The following SLC26A11 variants were observed in gnomAD, a reference collection of about 807,000 sequenced individuals.
SLC26A11 encodes sodium-independent sulfate anion transporter.
In SLC26A11, 58 loss-of-function variants were observed where a neutral mutation model predicts 62.2. That is an observed-to-expected ratio of 0.93 (90% CI 0.76 to 1.16). The LOEUF is 1.16. Ranked by LOEUF, SLC26A11 falls within the 50% of genes most tolerant of loss-of-function variation. The probability of loss-of-function intolerance (pLI) is 0.00; values close to 1 mark genes in which losing one functional copy is unlikely to be tolerated. For missense variants in SLC26A11, 790 were observed against 794.3 expected (o/e 0.99, Z 0.06); for synonymous variants, 411 against 368.9 (o/e 1.11, Z -1.31).
chr17:80,224,009 C>T (rs1191971445), intron 5 of SLC26A11, among the ~76,000 whole-genome samples: 1 of 152,102 alleles, frequency 6.6e-6, no homozygotes, highest in Admixed American at 6.6e-5. Context: ...GAGCCCAATT[C>T]CACAGATGGG....
intron 7 of SLC26A11, 48 bp from the exon 8 acceptor site, chr17:80,236,880 A>G: frequency 6.4e-7 from 1 of 1,572,904 alleles, no homozygotes; most frequent in Non-Finnish European, 8.7e-7. Context: ...GCGCTACCCC[A>G]CACTCGCCGG....
intron 5 of SLC26A11, 54 bp from the exon 6 acceptor site, chr17:80,225,783 G>T (rs2042391510): frequency 6.6e-7 from 1 of 1,514,612 alleles, no homozygotes; most frequent in South Asian, 1.1e-5. Context: ...GCTGGGGACA[G>T]ATGGCCTTGG....
chr17:80,241,377 A>C (rs1252723863), intron 9 of SLC26A11, among the ~76,000 whole-genome samples: 1 of 152,222 alleles, frequency 6.6e-6, no homozygotes, highest in Non-Finnish European at 1.5e-5. Context: ...CTCCCGCCTC[A>C]GCGTCCTGAA....
At position 80,238,820 on chromosome 17, in the gene SLC26A11, G is replaced by GTTT. The variant is rs1366044421; in HGVS notation, c.985+1230_985+1232dup. Among the ~76,000 whole-genome samples, 235 of 87,332 alleles carry GTTT rather than the reference G, an allele frequency of 2.7e-3. 25 individuals are homozygous for GTTT. The highest frequency in any genetic ancestry group is 3.4e-3 in the Non-Finnish European group (144 of 42,940). 57.3% of individuals were successfully genotyped at this position (87,332 alleles called of 152,430 possible). A position where few individuals can be genotyped will look rare whatever the true frequency, so the allele number is the denominator to read the frequency against. On this transcript the variant is annotated intron_variant, in intron 9 of 17. Coordinates refer to ENST00000361193, the MANE Select transcript of SLC26A11 (RefSeq NM_001166347.2). ...TACCCCCTTCAAAGGAGTTTTTTTT[G>GTTT]TTTTTTGTTTTTTTTTTTTTTTGGA...
intron 8 of SLC26A11, 101 bp from the exon 9 acceptor site, chr17:80,237,421 C>A: frequency 8.9e-7 from 1 of 1,128,274 alleles, no homozygotes. Context: ...GCACTTGCTC[C>A]TGTTACCTGT....
At chr17:80,238,811 G>GGTTTTTTTTTTTTTTTTTTTTTTTT (rs1555629117) in intron 9 of SLC26A11, among the ~76,000 whole-genome samples, 15 of 123,262 alleles carry the variant, frequency 1.2e-4, no homozygotes, top group African/African-American at 4.8e-4. Flanking sequence ...CTTCAAAGGA[G>GGTTTTTTTTTTTTTTTTTTTTTTTT]TTTTTTTTGT....
intron 9 of SLC26A11, among the ~76,000 whole-genome samples, chr17:80,238,502 C>A (rs182331660): frequency 4.7e-4 from 72 of 152,290 alleles, no homozygotes; most frequent in Non-Finnish European, 1.0e-3. Context: ...AGGCAGGGAA[C>A]CCTTCGTCTC....
chr17:80,221,276 T>C (rs2042174530), intron 2 of SLC26A11, 161 bp downstream of exon 2: 1 of 435,184 alleles, frequency 2.3e-6, no homozygotes, highest in South Asian at 5.2e-5. Flanking sequence ...GTTTCTTATC[T>C]GGGAGAGTTG....
In SLC26A11 at chr17:80,220,988, A is replaced by ACC. The variant is rs143818677; in HGVS notation, c.-135_-134dup. The ACC allele has an allele frequency of 0.21, 31,817 of 149,368 alleles. 4,293 individuals are homozygous for ACC. The highest frequency in any genetic ancestry group is 0.4 in the Admixed American group (6,036 of 15,054). 9.3% of individuals were successfully genotyped at this position (149,368 alleles called of 1,614,324 possible). The stretch of plus-strand genomic sequence containing the variant: ...CGAGGCGTGGCCTCAGGAGCGGAGG[A>ACC]CCCCCCCACTCTCCCTCGAGCGCCG... On this transcript the variant is annotated 5_prime_UTR_variant, in exon 2 of 18. Coordinates refer to ENST00000361193, the MANE Select transcript of SLC26A11 (RefSeq NM_001166347.2).
At position 80,221,804 on chromosome 17, in the gene SLC26A11, CTGACCCTGCTGCCAGCCA is replaced by C. The variant is rs1211478899; in HGVS notation, c.234+12_234+29del. 1 of 1,603,008 alleles carries C rather than the reference CTGACCCTGCTGCCAGCCA, an allele frequency of 6.2e-7. No homozygotes were observed. Among genetic ancestry groups the C allele is most frequent in the Non-Finnish European group, 8.5e-7 (1 of 1,177,048 alleles). On this transcript the variant is annotated intron_variant, in intron 3 of 17. Transcript: ENST00000361193. ...TGGACTCCCGCCCCAGGTGAGGCGT[CTGACCCTGCTGCCAGCCA>C]TATCTCAGAAACAGTGCAGAATACA...
At chr17:80,248,338 G>C in intron 14 of SLC26A11, 81 bp downstream of exon 14, 1 of 1,506,470 alleles carries the variant, frequency 6.6e-7, no homozygotes, top group African/African-American at 1.4e-5. Flanking sequence ...AGGGTCCGGG[G>C]TGATTGTGGT....
Position 80,245,158 on chromosome 17 carries a change from C to T in SLC26A11, c.1037-38C>T, listed in dbSNP as rs199777566. 1.0e-3 allele frequency: 1,615 copies of T among 1,601,912 alleles called. 10 individuals are homozygous for T. In the Middle Eastern group the frequency reaches 0.012, roughly 12 times the overall value. On this transcript the variant is annotated intron_variant, in intron 10 of 17. Transcript: ENST00000361193. ...TCTCCTTTCCCTCCATCCTGTGTGC[C>T]TTCCCTCCACGATCAGCCTGTCTTG...
At chr17:80,224,344 AGT>A (rs775558603) in intron 5 of SLC26A11, among the ~76,000 whole-genome samples, 50 of 138,152 alleles carry the variant, frequency 3.6e-4, no homozygotes, top group Admixed American at 1.6e-3. Flanking sequence ...AGAGTGTGAG[AGT>A]GGGTGTGGGT....
At chr17:80,226,769 G>A (rs1169558971) in intron 6 of SLC26A11, among the ~76,000 whole-genome samples, 3 of 152,194 alleles carry the variant, frequency 2.0e-5, no homozygotes, top group African/African-American at 4.8e-5. Flanking sequence ...ACCATCCAGC[G>A]GGAAGGCAGG....
At chr17:80,224,484 AAGT>A (rs1480216445) in intron 5 of SLC26A11, among the ~76,000 whole-genome samples, 14 of 151,862 alleles carry the variant, frequency 9.2e-5, no homozygotes, top group Non-Finnish European at 1.8e-4. Context: ...TGTGAGAATA[AAGT>A]AGACACTTTT....
Position 80,223,410 on chromosome 17 carries a change from C to A in SLC26A11, c.513+73C>A. ...TGGCACAGGGATGGCGGGAGCAGGA[C>A]TGAGGCCAGTCCTGATCCCTGTGGC... On this transcript the variant is annotated intron_variant, in intron 5 of 17. Coordinates refer to ENST00000361193, the MANE Select transcript of SLC26A11 (RefSeq NM_001166347.2). The surrounding 1 kb of genome is among the most constrained non-coding windows in gnomAD (Gnocchi z 4.6). The A allele has an allele frequency of 7.1e-7, 1 of 1,414,740 alleles. No individual in the cohort carries two copies. The highest frequency in any genetic ancestry group is 9.9e-7 in the Non-Finnish European group (1 of 1,009,984). The allele number at this position is 1,414,740 out of a possible 1,614,324, so 87.6% of individuals were successfully genotyped here.
At chr17:80,224,282 T>TGGGG (rs1567943748) in intron 5 of SLC26A11, among the ~76,000 whole-genome samples, 2 of 147,124 alleles carry the variant, frequency 1.4e-5, no homozygotes, top group South Asian at 4.2e-4. Context: ...AGTGAGTGCG[T>TGGGG]GTGTGAGTGA....
At chr17:80,230,194 A>C (rs1356211111) in intron 7 of SLC26A11, among the ~76,000 whole-genome samples, 1 of 60,420 alleles carries the variant, frequency 1.7e-5, no homozygotes, top group Non-Finnish European at 3.5e-5. Flanking sequence ...ACTCCTTCTC[A>C]AAAAAAAAAA....
At chr17:80,245,351 C>T (rs1452310302) in intron 11 of SLC26A11, 95 bp downstream of exon 11, 33 of 1,273,400 alleles carry the variant, frequency 2.6e-5, no homozygotes, top group Non-Finnish European at 2.9e-5. Context: ...CCCGGCGCCC[C>T]GTCCTCCACT....
Sources: gnomAD v4.1 joint callset for allele counts (sites outside exome capture counted in the v4.1 genomes callset) on GRCh38, gnomAD v4.1.1 for gene constraint, Gnocchi (gnomAD v3.1) non-coding constraint, MANE v1.5 for transcripts, NCBI Gene and HGNC (gene_info 2026-07-23, HGNC 2026-07-21) for gene names.